The following RALGAPA2 variants were observed in gnomAD, a reference collection of about 807,000 sequenced individuals.
RALGAPA2 encodes the protein Ral GTPase activating protein catalytic subunit alpha 2.
A neutral mutation model predicts 230.4 loss-of-function variants in RALGAPA2; 139 were observed. The observed-to-expected ratio is 0.60, with a 90% CI of 0.53 to 0.69. RALGAPA2 has a LOEUF of 0.69. Ranked by LOEUF, RALGAPA2 falls within the 30% of genes least tolerant of loss-of-function variation. The pLI is 0.00. For synonymous variants in RALGAPA2, 847 were observed against 837.8 expected (o/e 1.01, Z -0.19); for missense variants, 2,163 against 2,276.0 (o/e 0.95, Z 1.01).
rs1320868341 is a variant in RALGAPA2, at chr20:20,392,688, C to T, written c.*601G>A. On this transcript the variant is annotated 3_prime_UTR_variant, in exon 40 of 40. Coordinates refer to ENST00000202677, the MANE Select transcript of RALGAPA2 (RefSeq NM_020343.4). ...AAAACTTCTCCTGGGCAAAAGACCC[C>T]GGGGAAAGCCAATTTCCATGATGAT... 6 of 162,608 alleles carry T rather than the reference C, an allele frequency of 3.7e-5. No homozygotes were observed. The East Asian group carries it at 7.5e-4, about 20-fold the overall frequency. 10.1% of individuals were successfully genotyped at this position (162,608 alleles called of 1,614,324 possible). A position where few individuals can be genotyped will look rare whatever the true frequency, so the allele number is the denominator to read the frequency against.
In RALGAPA2 at chr20:20,425,431, TAATA is replaced by T. The variant is rs571285050; in HGVS notation, c.5496-13287_5496-13284del. Among the ~76,000 whole-genome samples, 13 of 152,322 alleles carry T rather than the reference TAATA, an allele frequency of 8.5e-5. No homozygotes were observed. The South Asian group carries it at 2.7e-3, about 32-fold the overall frequency. On this transcript the variant is annotated intron_variant, in intron 37 of 39. Transcript: ENST00000202677. ...GTTTTTTCTTCTGTGCGTTTTAAAA[TAATA>T]AATATCACTACCTCTGGAAGCAGAA...
chr20:20,616,983 A>G (rs1214777368), intron 12 of RALGAPA2, among the ~76,000 whole-genome samples: 1 of 152,210 alleles, frequency 6.6e-6, no homozygotes, highest in South Asian at 2.1e-4. Flanking sequence ...AGGATATCAT[A>G]TACTATTACT....
intron 37 of RALGAPA2, among the ~76,000 whole-genome samples, chr20:20,431,705 C>T (rs531717832): frequency 6.6e-6 from 1 of 152,252 alleles, no homozygotes; most frequent in South Asian, 2.1e-4. Context: ...AGTGTTCTCA[C>T]CACAAATAAA....
chr20:20,593,006 C>A (rs868827132), intron 16 of RALGAPA2, among the ~76,000 whole-genome samples: 1 of 152,086 alleles, frequency 6.6e-6, no homozygotes, highest in Admixed American at 6.5e-5. Context: ...CACACTCGAC[C>A]CCCCTGGCTC....
At chr20:20,589,868 G>C (rs935575514) in intron 17 of RALGAPA2, among the ~76,000 whole-genome samples, 5 of 150,808 alleles carry the variant, frequency 3.3e-5, no homozygotes, top group African/African-American at 1.2e-4. Context: ...GAATAATCTG[G>C]GGGCAATAAA....
Position 20,712,438 on chromosome 20 carries a change from G to C in RALGAPA2, c.43C>G (p.Gln15Glu), listed in dbSNP as rs947125055. The change falls in exon 1 of 40, where the codon CAG becomes GAG. Residue 15 changes from glutamine to glutamate, a missense_variant. Transcript: ENST00000202677. The surrounding 1 kb of genome is among the most constrained non-coding windows in gnomAD (Gnocchi z 5.5). ...TCCTTCTTCGGGTCCAGCACCTTCT[G>C]GGTGGACTTCTTCACATCCCCGTGG... Reference protein sequence around the residue: ...RSHGDVKKSTQKVLDPKKDVL... With the variant: ...RSHGDVKKSTEKVLDPKKDVL... The C allele has an allele frequency of 6.4e-7, 1 of 1,555,410 alleles. No homozygotes were observed. The highest frequency in any genetic ancestry group is 8.7e-7 in the Non-Finnish European group (1 of 1,148,972).
intron 37 of RALGAPA2, among the ~76,000 whole-genome samples, chr20:20,466,243 TA>T (rs1569423578): frequency 6.6e-6 from 1 of 152,234 alleles, no homozygotes; most frequent in East Asian, 1.9e-4. Flanking sequence ...CTAGATTTTT[TA>T]AAAATGCAAA....
chr20:20,675,859 G>A (rs1424233169), intron 3 of RALGAPA2, among the ~76,000 whole-genome samples: 1 of 152,050 alleles, frequency 6.6e-6, no homozygotes, highest in East Asian at 1.9e-4. Flanking sequence ...TTACATATCA[G>A]TTTATATAAC....
chr20:20,589,474 G>A (rs57023914), intron 17 of RALGAPA2, 109 bp from the exon 18 acceptor site: 60,761 of 1,221,866 alleles, frequency 0.05, 2,209 homozygotes, highest in East Asian at 0.14. Context: ...ATATTCTAAG[G>A]TATGTAAAAA....
chr20:20,492,306 T>C (rs1374442317), intron 36 of RALGAPA2, among the ~76,000 whole-genome samples: 3 of 152,148 alleles, frequency 2.0e-5, no homozygotes, highest in Admixed American at 6.5e-5. Context: ...AGTCATACTA[T>C]ACTCAGATGA....
chr20:20,589,100 C>T (rs16982006), intron 18 of RALGAPA2, among the ~76,000 whole-genome samples, 168 bp downstream of exon 18: 1,665 of 152,226 alleles, frequency 0.011, 26 homozygotes, highest in African/African-American at 0.038. Flanking sequence ...TGTAATTTTA[C>T]ATAGAAAGCA....
intron 3 of RALGAPA2, among the ~76,000 whole-genome samples, chr20:20,657,090 G>A (rs1266707816): frequency 6.6e-6 from 1 of 152,210 alleles, no homozygotes; most frequent in Non-Finnish European, 1.5e-5. Flanking sequence ...AGCAAGGTGA[G>A]TTTTCTGGAA....
intron 37 of RALGAPA2, among the ~76,000 whole-genome samples, chr20:20,412,541 T>C (rs1331984836): frequency 6.6e-6 from 1 of 152,200 alleles, no homozygotes; most frequent in Non-Finnish European, 1.5e-5. Flanking sequence ...TACTGACATA[T>C]GAGTTGATAC....
intron 7 of RALGAPA2, among the ~76,000 whole-genome samples, chr20:20,638,726 T>C (rs928285268): frequency 2.0e-5 from 3 of 152,124 alleles, no homozygotes; most frequent in Non-Finnish European, 4.4e-5. Flanking sequence ...CCATTAGAGT[T>C]CAAATGTGGA....
intron 37 of RALGAPA2, among the ~76,000 whole-genome samples, chr20:20,412,839 A>T (rs1035525230): frequency 6.6e-6 from 1 of 152,370 alleles, no homozygotes; most frequent in Non-Finnish European, 1.5e-5. Context: ...AAAACTTACA[A>T]GCGTAACACA....
intron 10 of RALGAPA2, 69 bp from the exon 11 acceptor site, chr20:20,620,699 A>G: frequency 7.5e-7 from 1 of 1,325,978 alleles, no homozygotes; most frequent in Non-Finnish European, 1.0e-6. Context: ...AGCATCACGG[A>G]CATTCCCAAT....
At chr20:20,512,344 C>T (rs895505770) in intron 32 of RALGAPA2, among the ~76,000 whole-genome samples, 169 bp downstream of exon 32, 4 of 152,072 alleles carry the variant, frequency 2.6e-5, no homozygotes, top group Non-Finnish European at 4.4e-5. Flanking sequence ...AATTTCATTT[C>T]TAGCTTTAAT....
At chr20:20,485,036 CATT>C (rs909425074) in intron 36 of RALGAPA2, among the ~76,000 whole-genome samples, 9 of 151,748 alleles carry the variant, frequency 5.9e-5, no homozygotes, top group Admixed American at 3.3e-4. Context: ...TTTCTTAAAA[CATT>C]ATGAGATTTT....
At chr20:20,470,645 GCTC>G (rs1472182532) in intron 37 of RALGAPA2, among the ~76,000 whole-genome samples, 1 of 151,952 alleles carries the variant, frequency 6.6e-6, no homozygotes, top group Non-Finnish European at 1.5e-5. Context: ...AAAATATAGG[GCTC>G]CTTTTTCAAA....
Sources: gnomAD v4.1 joint callset for allele counts (sites outside exome capture counted in the v4.1 genomes callset) on GRCh38, gnomAD v4.1.1 for gene constraint, Gnocchi (gnomAD v3.1) non-coding constraint, MANE v1.5 for transcripts, NCBI Gene and HGNC (gene_info 2026-07-23, HGNC 2026-07-21) for gene names.